Variants in CT83 observed in about 807,000 individuals in gnomAD.
CT83 encodes cancer/testis antigen 83, also known as kita-kyushu lung cancer antigen 1.
In CT83, 3 loss-of-function variants were observed where a neutral mutation model predicts 1.7. The ratio of observed to expected loss-of-function variants is 1.76; its 90% CI spans 0.80 to 4.55. CT83 has a LOEUF of 4.55. Among genes scored for constraint, CT83 ranks in the 30% most tolerant of loss-of-function variants. The probability of loss-of-function intolerance (pLI) is 0.02; values close to 1 mark genes in which losing one functional copy is unlikely to be tolerated. For synonymous variants in CT83, 35 were observed against 33.0 expected (o/e 1.06, Z -0.20); for missense variants, 80 against 84.8 (o/e 0.94, Z 0.22).
intron 1 of CT83, 118 bp downstream of exon 1, chrX:116,462,664 G>A (rs782549947): frequency 3.8e-4 from 271 of 719,055 alleles, no homozygotes; most frequent in Admixed American, 7.9e-4. Flanking sequence ...AAGGAGAGAT[G>A]AGGTGATCTC....
At position 116,462,906 on chromosome X, in the gene CT83, G is replaced by A; in HGVS notation, c.-50C>T. ...TTCTCGGGACGGACCCCCTCAGCTG[G>A]TAGTTGGGAAGCAGTGGGCCTCTAG... On this transcript the variant is annotated 5_prime_UTR_variant, in exon 1 of 2. Coordinates refer to ENST00000371894, the MANE Select transcript of CT83 (RefSeq NM_001017978.4). 8.6e-7 allele frequency: 1 copy of A among 1,156,374 alleles called. No homozygotes were observed. Among genetic ancestry groups the A allele is most frequent in the Non-Finnish European group, 1.2e-6 (1 of 845,951 alleles).
chrX:116,462,954 G>A lies in CT83; in HGVS notation c.-98C>T, dbSNP rs189546661. 1,222 of 790,035 alleles carry A rather than the reference G, an allele frequency of 1.5e-3. 2 individuals carry two copies. Among genetic ancestry groups the A allele is most frequent in the Non-Finnish European group, 1.9e-3 (1,011 of 525,104 alleles). The allele number at this position is 790,035 out of a possible 1,213,427, so 65.1% of individuals were successfully genotyped here. A position where few individuals can be genotyped will look rare whatever the true frequency, so the allele number is the denominator to read the frequency against. On this transcript the variant is annotated 5_prime_UTR_variant, in exon 1 of 2. Transcript: ENST00000371894. Reference sequence around the variant, plus strand: ...TAGCCGCCTGGATTTGGGAAACTTTGGGCCAGGATGCCTGGTGTAACTGGG... The same window carrying A: ...TAGCCGCCTGGATTTGGGAAACTTTAGGCCAGGATGCCTGGTGTAACTGGG...
At position 116,462,769 on chromosome X, in the gene CT83, C is replaced by A. The variant is rs782188530; in HGVS notation, c.75+13G>T. On this transcript the variant is annotated intron_variant, in intron 1 of 1. Coordinates refer to ENST00000371894, the MANE Select transcript of CT83 (RefSeq NM_001017978.4). ...CTTCATCTAATTCAAATCTCCCTTA[C>A]ATTCACCATTACCTGAAAGCGGCGA... is the stretch of plus-strand genomic sequence containing the variant. 78 of 1,204,790 alleles carry A rather than the reference C, an allele frequency of 6.5e-5. No individual in the cohort carries two copies. In the South Asian group the frequency reaches 1.3e-3, roughly 20 times the overall value.
chrX:116,462,635 T>A (rs1023759609), intron 1 of CT83, 147 bp downstream of exon 1: 1 of 565,934 alleles, frequency 1.8e-6, no homozygotes, highest in African/African-American at 2.3e-5. Context: ...GGTAAAAGTC[T>A]GGGGCTCCTT....
chrX:116,462,442 GAAGA>G (rs10648397), intron 1 of CT83, among the ~76,000 whole-genome samples: 1,454 of 111,928 alleles, frequency 0.013, 9 homozygotes, highest in Non-Finnish European at 0.018. Context: ...AGAAGCAAGA[GAAGA>G]AAGAGAGAAG....
At position 116,462,893 on chromosome X, in the gene CT83, A is replaced by AC; in HGVS notation, c.-38dup. The AC allele has an allele frequency of 8.5e-7, 1 of 1,181,462 alleles. No homozygotes were observed. Among genetic ancestry groups the AC allele is most frequent in the Non-Finnish European group, 1.2e-6 (1 of 869,018 alleles). ...GGCCTCTTCTCCCTTCTCGGGACGG[A>AC]CCCCCTCAGCTGGTAGTTGGGAAGC... On this transcript the variant is annotated 5_prime_UTR_variant, in exon 1 of 2. Transcript: ENST00000371894.
In CT83 at chrX:116,462,883, C is replaced by T; in HGVS notation, c.-27G>A. 8.4e-7 allele frequency: 1 copy of T among 1,195,757 alleles called. No homozygotes were observed. Among genetic ancestry groups the T allele is most frequent in the Non-Finnish European group, 1.1e-6 (1 of 880,930 alleles). On this transcript the variant is annotated 5_prime_UTR_variant, in exon 1 of 2. Transcript: ENST00000371894. ...TTTCCTCTTCGGCCTCTTCTCCCTT[C>T]TCGGGACGGACCCCCTCAGCTGGTA...
chrX:116,462,785 A>G lies in CT83; in HGVS notation c.72T>C (p.Phe24=), dbSNP rs1480201760. Residue 24 remains phenylalanine (F), a synonymous_variant, in exon 1 of 2, where the codon TTT becomes TTC. Coordinates refer to ENST00000371894, the MANE Select transcript of CT83 (RefSeq NM_001017978.4). ...ALIVFWKYRR[F]QRNTGEMSSN... is the part of the protein sequence containing the mutation. ...TCTCCCTTACATTCACCATTACCTGAAAGCGGCGATATTTCCAGAAGACAA... is the reference window on the plus strand; with the variant it reads ...TCTCCCTTACATTCACCATTACCTGGAAGCGGCGATATTTCCAGAAGACAA... 1.7e-6 allele frequency: 2 copies of G among 1,208,778 alleles called. No homozygotes were observed. Among genetic ancestry groups the G allele is most frequent in the Non-Finnish European group, 1.1e-6 (1 of 894,059 alleles).
intron 1 of CT83, 26 bp downstream of exon 1, chrX:116,462,756 C>T: frequency 8.3e-7 from 1 of 1,198,573 alleles, no homozygotes; most frequent in South Asian, 1.8e-5. Flanking sequence ...TCATCTAATT[C>T]AAATCTCCCT....
In CT83 at chrX:116,461,860, C is replaced by A. The variant is rs149614986; in HGVS notation, c.223G>T (p.Ala75Ser). 4.9e-5 allele frequency: 59 copies of A among 1,209,131 alleles called. No individual in the cohort carries two copies. The highest frequency in any genetic ancestry group is 6.0e-5 in the Non-Finnish European group (54 of 894,967). ...DILNNFPHSI[A>S]RQKRILVNLS... ...TTTACCAATATTCGCTTCTGCCTGG[C>A]TATTGAGTGTGGGAAATTATTTAAA... The change falls in exon 2 of 2, where the codon GCC becomes TCC. Residue 75 changes from alanine to serine, a missense_variant. Physicochemically the swap from Ala to Ser is moderately conservative, Grantham distance 99 (BLOSUM62 1). Transcript: ENST00000371894.
Position 116,462,861 on chromosome X carries a change from C to T in CT83, c.-5G>A, listed in dbSNP as rs1928098606. 1 of 1,206,010 alleles carries T rather than the reference C, an allele frequency of 8.3e-7. No homozygotes were observed. The highest frequency in any genetic ancestry group is 1.8e-5 in the African/African-American group (1 of 57,108). On this transcript the variant is annotated 5_prime_UTR_variant, in exon 1 of 2. Transcript: ENST00000371894. ...TAGGAGTAAATAGAAGTTCATGTTTCCTCTTCGGCCTCTTCTCCCTTCTCG... is the reference window on the plus strand; with the variant it reads ...TAGGAGTAAATAGAAGTTCATGTTTTCTCTTCGGCCTCTTCTCCCTTCTCG...
At chrX:116,462,130 T>C in intron 1 of CT83, 123 bp from the exon 2 acceptor site, 1 of 543,440 alleles carries the variant, frequency 1.8e-6, no homozygotes, top group Non-Finnish European at 3.0e-6. Context: ...ATGTCGAGAT[T>C]AAAAATGTAT....
Position 116,462,828 on chromosome X carries a change from C to T in CT83, c.29G>A (p.Ser10Asn). The T allele has an allele frequency of 1.7e-6, 2 of 1,211,702 alleles. No homozygotes were observed. Among genetic ancestry groups the T allele is most frequent in the Non-Finnish European group, 2.2e-6 (2 of 895,368 alleles). The part of the protein sequence containing the change: MNFYLLLAS[S>N]ILCALIVFWK... ...GAAGACAATCAAGGCACACAGAATG[C>T]TGCTCGCTAGGAGTAAATAGAAGTT... The change falls in exon 1 of 2, where the codon AGC becomes AAC. Residue 10 changes from serine to asparagine, a missense_variant. Physicochemically the swap from Ser to Asn is conservative, Grantham distance 46 (BLOSUM62 1). Transcript: ENST00000371894.
chrX:116,461,966 T>G lies in CT83; in HGVS notation c.117A>C (p.Ala39=). 2 of 1,209,360 alleles carry G rather than the reference T, an allele frequency of 1.7e-6. No individual in the cohort carries two copies. The highest frequency in any genetic ancestry group is 1.8e-5 in the South Asian group (1 of 56,888). The part of the protein sequence containing the change: ...GEMSSNSTAL[A]LVRPSSSGLI... The stretch of plus-strand genomic sequence containing the variant: ...ACCCAGAAGAAGAGGGTCTCACTAG[T>G]GCAAGAGCAGTTGAATTTGATGACA... Residue 39 remains alanine (A), a synonymous_variant, in exon 2 of 2, where the codon GCA becomes GCC. Transcript: ENST00000371894.
rs782351401 is a variant in CT83 at position 116,461,969 on chromosome X, A to G, written c.114T>C (p.Leu38=). Residue 38 remains leucine (L), a synonymous_variant, in exon 2 of 2, where the codon CTT becomes CTC. Coordinates refer to ENST00000371894, the MANE Select transcript of CT83 (RefSeq NM_001017978.4). The part of the protein sequence containing the change: ...TGEMSSNSTA[L]ALVRPSSSGL... ...CAGAAGAAGAGGGTCTCACTAGTGC[A>G]AGAGCAGTTGAATTTGATGACATTT... 8.3e-7 allele frequency: 1 copy of G among 1,209,586 alleles called. No homozygotes were observed. Among genetic ancestry groups the G allele is most frequent in the Non-Finnish European group, 1.1e-6 (1 of 893,569 alleles).
Position 116,461,893 on chromosome X carries a change from G to A in CT83, c.190C>T (p.Arg64Trp), listed in dbSNP as rs184008196. The change falls in exon 2 of 2, where the codon CGG (arginine) becomes TGG (tryptophan). Residue 64 changes from arginine to tryptophan, a missense_variant. By Grantham distance (101) the Arg-to-Trp change is moderately radical (BLOSUM62 -3). Coordinates refer to ENST00000371894, the MANE Select transcript of CT83 (RefSeq NM_001017978.4). The stretch of plus-strand genomic sequence containing the variant: ...TGTGGGAAATTATTTAAAATATCCC[G>A]AGAGAGGTCGTAGACTGCAAGATTG... Reference protein sequence around the residue: ...DNNLAVYDLSRDILNNFPHSI... With the variant: ...DNNLAVYDLSWDILNNFPHSI... 4 of 1,209,029 alleles carry A rather than the reference G, an allele frequency of 3.3e-6. No homozygotes were observed. In the African/African-American group the frequency reaches 5.3e-5, roughly 16 times the overall value.
In CT83 at chrX:116,462,913, G is replaced by A; in HGVS notation, c.-57C>T. 3 of 1,096,464 alleles carry A rather than the reference G, an allele frequency of 2.7e-6. No individual in the cohort carries two copies. The East Asian group carries it at 9.0e-5, about 33-fold the overall frequency. The allele number at this position is 1,096,464 out of a possible 1,213,427, so 90.4% of individuals were successfully genotyped here. On this transcript the variant is annotated 5_prime_UTR_variant, in exon 1 of 2. Transcript: ENST00000371894. ...GACGGACCCCCTCAGCTGGTAGTTG[G>A]GAAGCAGTGGGCCTCTAGCCGCCTG...
At chrX:116,462,093 C>A in intron 1 of CT83, 86 bp from the exon 2 acceptor site, 1 of 802,163 alleles carries the variant, frequency 1.2e-6, no homozygotes, top group South Asian at 2.6e-5. Flanking sequence ...TAATCTTGGT[C>A]ACCAAAATAA....
chrX:116,462,894 C>A lies in CT83; in HGVS notation c.-38G>T. The A allele has an allele frequency of 8.5e-7, 1 of 1,177,099 alleles. No homozygotes were observed. Among genetic ancestry groups the A allele is most frequent in the Middle Eastern group, 2.3e-4 (1 of 4,267 alleles). On this transcript the variant is annotated 5_prime_UTR_variant, in exon 1 of 2. Coordinates refer to ENST00000371894, the MANE Select transcript of CT83 (RefSeq NM_001017978.4). ...GCCTCTTCTCCCTTCTCGGGACGGA[C>A]CCCCTCAGCTGGTAGTTGGGAAGCA...
Sources: gnomAD v4.1 joint callset for allele counts (sites outside exome capture counted in the v4.1 genomes callset) on GRCh38, gnomAD v4.1.1 for gene constraint, MANE v1.5 for transcripts, NCBI Gene and HGNC (gene_info 2026-07-23, HGNC 2026-07-21) for gene names.